The following CCDC30 variants were observed in gnomAD, a reference collection of about 807,000 sequenced individuals.
CCDC30 encodes the protein coiled-coil domain-containing protein 30.
Under a neutral mutation model 100.2 loss-of-function variants are expected in CCDC30, and 70 were observed. The observed-to-expected ratio is 0.70, with a 90% confidence interval of 0.58 to 0.85. The LOEUF (loss-of-function observed/expected upper bound fraction) is 0.85. Ranked by LOEUF, CCDC30 falls within the 40% of genes least tolerant of loss-of-function variation. CCDC30 has a pLI of 0.00. For missense variants in CCDC30, 652 were observed against 771.2 expected, an observed-to-expected ratio of 0.85 and a Z score of 1.83; for synonymous variants, 233 against 269.5, an observed-to-expected ratio of 0.86 and a Z score of 1.33.
At chr1:42,547,343 A>G (rs1264289320) in intron 6 of CCDC30, among the ~76,000 whole-genome samples, 5 of 152,258 alleles carry the variant, frequency 3.3e-5, no homozygotes, top group Non-Finnish European at 7.3e-5. Flanking sequence ...AAGATAGACC[A>G]ATTAATCTAT....
chr1:42,609,886 G>A (rs2148639814), intron 10 of CCDC30, among the ~76,000 whole-genome samples: 1 of 152,302 alleles, frequency 6.6e-6, no homozygotes, highest in African/African-American at 2.4e-5. Context: ...TCTCACATAA[G>A]AGACCTAGCA....
intron 11 of CCDC30, among the ~76,000 whole-genome samples, chr1:42,614,540 A>ATAAGC (rs200329239): frequency 0.011 from 1,700 of 151,924 alleles, 27 homozygotes; most frequent in African/African-American, 0.039. Flanking sequence ...TAATCCCAGC[A>ATAAGC]CTTTGGGAGG....
intron 1 of CCDC30, among the ~76,000 whole-genome samples, chr1:42,465,659 C>G (rs1643554983): frequency 6.6e-6 from 1 of 152,160 alleles, no homozygotes; most frequent in Non-Finnish European, 1.5e-5. Context: ...GCCACGGTAC[C>G]CGACCTCTAG....
intron 6 of CCDC30, among the ~76,000 whole-genome samples, chr1:42,528,950 A>ATGTGTGTCTAAGTACCAGAATT (rs1644767000): frequency 6.6e-6 from 1 of 152,056 alleles, no homozygotes. Context: ...GTACCAGAAT[A>ATGTGTGTCTAAGTACCAGAATT]GTGTATGTGT....
At chr1:42,617,011 C>T (rs115114605) in intron 11 of CCDC30, among the ~76,000 whole-genome samples, 2,889 of 152,064 alleles carry the variant, frequency 0.019, 77 homozygotes, top group African/African-American at 0.061. Context: ...AAAGAGCATA[C>T]GATAAACATT....
chr1:42,577,710 G>A (rs1297596713), intron 8 of CCDC30, among the ~76,000 whole-genome samples: 3 of 151,824 alleles, frequency 2.0e-5, no homozygotes, highest in Non-Finnish European at 4.4e-5. Flanking sequence ...GTGCGATCTC[G>A]GCTTACTACA....
intron 15 of CCDC30, among the ~76,000 whole-genome samples, chr1:42,648,225 C>T (rs1648046470): frequency 6.6e-6 from 1 of 152,108 alleles, no homozygotes; most frequent in Non-Finnish European, 1.5e-5. Flanking sequence ...TAGGCATAAG[C>T]CACCATGCCT....
At chr1:42,651,192 G>A (rs1036658267) in intron 15 of CCDC30, among the ~76,000 whole-genome samples, 1 of 152,096 alleles carries the variant, frequency 6.6e-6, no homozygotes, top group Admixed American at 6.6e-5. Context: ...AATGTGACAC[G>A]AAAAGCTCAG....
At chr1:42,574,649 G>C (rs1645796814) in intron 7 of CCDC30, among the ~76,000 whole-genome samples, 1 of 152,060 alleles carries the variant, frequency 6.6e-6, no homozygotes, top group African/African-American at 2.4e-5. Context: ...TCACAGTTTA[G>C]AGTAAATATA....
intron 6 of CCDC30, among the ~76,000 whole-genome samples, chr1:42,522,996 A>G (rs1644671253): frequency 1.3e-5 from 2 of 151,514 alleles, no homozygotes; most frequent in African/African-American, 2.4e-5. Context: ...CACCTGGCTA[A>G]TTTTTGTATT....
intron 3 of CCDC30, among the ~76,000 whole-genome samples, chr1:42,487,481 G>A (rs72952280): frequency 0.014 from 2,183 of 152,142 alleles, 50 homozygotes; most frequent in African/African-American, 0.05. Context: ...TTTTGTAAGC[G>A]TAGTTACGGT....
intron 3 of CCDC30, among the ~76,000 whole-genome samples, chr1:42,488,899 C>T (rs1207669845): frequency 1.3e-5 from 2 of 152,212 alleles, no homozygotes; most frequent in Non-Finnish European, 1.5e-5. Context: ...GGTTTGGCCT[C>T]TGCCTATGTA....
upstream of CCDC30, among the ~76,000 whole-genome samples, chr1:42,460,929 C>T (rs975594879): frequency 6.6e-6 from 1 of 152,176 alleles, no homozygotes; most frequent in African/African-American, 2.4e-5. Context: ...ACACCACTGC[C>T]CTGCTTAATC....
intron 11 of CCDC30, among the ~76,000 whole-genome samples, chr1:42,635,771 G>A (rs1647141415): frequency 6.7e-6 from 1 of 149,464 alleles, no homozygotes; most frequent in East Asian, 2.0e-4. Context: ...TCGCACCACT[G>A]CACTCCAGCC....
exon 1 of CCDC30, chr1:42,463,413 T>G (rs753806527): frequency 1.3e-5 from 2 of 152,246 alleles, no homozygotes; most frequent in Non-Finnish European, 2.9e-5. Context: ...GGTTCCTGCC[T>G]CAGCCCCAAG....
intron 7 of CCDC30, among the ~76,000 whole-genome samples, chr1:42,574,132 A>G (rs1042820144): frequency 6.6e-6 from 1 of 152,286 alleles, no homozygotes; most frequent in East Asian, 1.9e-4. Context: ...CTTAAAATAA[A>G]AATGGGTAAT....
chr1:42,551,266 A>AC (rs1645246762), intron 6 of CCDC30, among the ~76,000 whole-genome samples: 1 of 152,136 alleles, frequency 6.6e-6, no homozygotes, highest in African/African-American at 2.4e-5. Context: ...TTGAATCTGT[A>AC]TATGTTTGAG....
chr1:42,460,927 G>A (rs114851026), upstream of CCDC30, among the ~76,000 whole-genome samples: 248 of 152,310 alleles, frequency 1.6e-3, no homozygotes, highest in African/African-American at 5.8e-3. Context: ...TTACACCACT[G>A]CCCTGCTTAA....
In CCDC30 at chr1:42,589,319, A is replaced by G; in HGVS notation, c.1002-2A>G. Reference sequence around the variant, plus strand: ...GATTTAATCTACATTAATTGCCCTCAGGAAACTTCTATATCAGAACGTAGA... The same window carrying G: ...GATTTAATCTACATTAATTGCCCTCGGGAAACTTCTATATCAGAACGTAGA... On this transcript the variant is annotated splice_acceptor_variant, in intron 9 of 16. Transcript: ENST00000668663. LOFTEE classifies it high-confidence loss of function. The G allele has an allele frequency of 1.3e-6, 2 of 1,582,886 alleles. No individual in the cohort carries two copies. Among genetic ancestry groups the G allele is most frequent in the Non-Finnish European group, 1.7e-6 (2 of 1,166,752 alleles).
Sources: gnomAD v4.1 joint callset for allele counts (sites outside exome capture counted in the v4.1 genomes callset) on GRCh38, gnomAD v4.1.1 for gene constraint, MANE v1.5 for transcripts, NCBI Gene and HGNC (gene_info 2026-07-23, HGNC 2026-07-21) for gene names.